The following ZC3H3 variants were observed in gnomAD, a reference collection of about 807,000 sequenced individuals.
ZC3H3 encodes zinc finger CCCH-type containing 3.
ZC3H3 carries 36 observed loss-of-function variants against 77.3 expected under a neutral mutation model. The observed-to-expected ratio is 0.47, with a 90% CI of 0.36 to 0.61. ZC3H3 has a LOEUF of 0.61. Among genes scored for constraint, ZC3H3 ranks in the 20% least tolerant of loss-of-function variants. ZC3H3 has a pLI of 0.00. For synonymous variants in ZC3H3, 626 were observed against 555.2 expected, an observed-to-expected ratio of 1.13 and a Z score of -1.79; for missense variants, 1,331 against 1,312.2, an observed-to-expected ratio of 1.01 and a Z score of -0.22.
intron 4 of ZC3H3, chr8:143,484,936 G>A: frequency 2.2e-6 from 1 of 448,966 alleles, no homozygotes; most frequent in South Asian, 1.6e-5. Context: ...GCCCTTGCAA[G>A]GACAGTGGTA....
chr8:143,451,938 T>C (rs1158501100), intron 9 of ZC3H3, among the ~76,000 whole-genome samples: 1 of 152,120 alleles, frequency 6.6e-6, no homozygotes, highest in Non-Finnish European at 1.5e-5. Flanking sequence ...GCGGAGAAGG[T>C]GCTGATGGAA....
intron 3 of ZC3H3, among the ~76,000 whole-genome samples, chr8:143,518,301 G>A (rs1451536192): frequency 2.6e-5 from 4 of 152,176 alleles, no homozygotes; most frequent in African/African-American, 9.7e-5. Context: ...GGGCCTGGCT[G>A]GATCCCAAGG....
intron 1 of ZC3H3, among the ~76,000 whole-genome samples, chr8:143,540,683 C>T (rs919427709): frequency 6.6e-6 from 1 of 150,794 alleles, no homozygotes; most frequent in African/African-American, 2.4e-5. Flanking sequence ...AGGCTGGGAG[C>T]GGTGGCTCAT....
intron 3 of ZC3H3, among the ~76,000 whole-genome samples, chr8:143,534,312 C>T (rs974326893): frequency 3.3e-4 from 49 of 149,240 alleles, no homozygotes; most frequent in African/African-American, 1.0e-3. Context: ...AGATCAATTA[C>T]GCCCTTCCCT....
intron 4 of ZC3H3, among the ~76,000 whole-genome samples, chr8:143,500,862 G>A (rs887038344): frequency 6.7e-6 from 1 of 148,740 alleles, no homozygotes; most frequent in Non-Finnish European, 1.5e-5. Context: ...TGCCCAGGCT[G>A]GAGTGCAGTG....
Position 143,507,785 on chromosome 8 carries a change from G to C in ZC3H3, c.1676C>G (p.Ser559Cys), listed in dbSNP as rs1032378642. The stretch of plus-strand genomic sequence containing the variant: ...CCGCCGGGCCCGCCAGGAGGGCAGA[G>C]ACAGGGGGAAGGGCGGGGCGCTGAG... ...SPLSAPPFPL[S>C]LPSWRARRLS... The change falls in exon 4 of 12, where the codon TCT becomes TGT. Residue 559 changes from serine (S) to cysteine (C), a missense_variant. This residue lies in a region of ZC3H3 where 978 missense variants were observed against 915.5 expected (regional missense o/e 1.07). Coordinates refer to ENST00000262577, the MANE Select transcript of ZC3H3 (RefSeq NM_015117.3). 10 of 1,601,444 alleles carry C rather than the reference G, an allele frequency of 6.2e-6. No homozygotes were observed. In the Admixed American group the frequency reaches 1.0e-4, roughly 16 times the overall value.
intron 1 of ZC3H3, among the ~76,000 whole-genome samples, chr8:143,539,821 G>A (rs1220555219): frequency 6.6e-6 from 1 of 152,210 alleles, no homozygotes; most frequent in African/African-American, 2.4e-5. Flanking sequence ...AGAATACTAG[G>A]AGCAGAGGCC....
At chr8:143,523,850 C>T (rs34766221) in intron 3 of ZC3H3, among the ~76,000 whole-genome samples, 4,250 of 152,310 alleles carry the variant, frequency 0.028, 181 homozygotes, top group African/African-American at 0.096. Flanking sequence ...TGAGTCAGAG[C>T]GGGGCCGCAG....
intron 5 of ZC3H3, among the ~76,000 whole-genome samples, chr8:143,473,582 G>T (rs1487810670): frequency 6.6e-6 from 1 of 152,232 alleles, no homozygotes; most frequent in African/African-American, 2.4e-5. Flanking sequence ...TAGGACCAGA[G>T]AGGAAAGCCA....
At chr8:143,516,060 G>C (rs1303569543) in intron 3 of ZC3H3, among the ~76,000 whole-genome samples, 1 of 152,204 alleles carries the variant, frequency 6.6e-6, no homozygotes, top group Non-Finnish European at 1.5e-5. Context: ...CCCCTTGAGT[G>C]GCTGGGTGTG....
chr8:143,511,139 G>A (rs1821857840), intron 3 of ZC3H3, among the ~76,000 whole-genome samples: 1 of 152,242 alleles, frequency 6.6e-6, no homozygotes, highest in South Asian at 2.1e-4. Context: ...CGGGGACCAG[G>A]TGGGACAGCC....
chr8:143,484,899 C>T lies in ZC3H3; in HGVS notation c.1716-9314G>A, dbSNP rs75360643. 193 of 455,394 alleles carry T rather than the reference C, an allele frequency of 4.2e-4. No homozygotes were observed. The East Asian group carries it at 0.012, about 27-fold the overall frequency. 28.2% of individuals were successfully genotyped at this position (455,394 alleles called of 1,614,324 possible). A position where few individuals can be genotyped will look rare whatever the true frequency, so the allele number is the denominator to read the frequency against. ...AATCCGGCTCAGCTCCCTGGAAAGG[C>T]GTGGTGACCTCAGCAAACTTCATGC... On this transcript the variant is annotated intron_variant, in intron 4 of 11. Transcript: ENST00000262577.
At chr8:143,469,899 G>A (rs1586895189) in intron 5 of ZC3H3, among the ~76,000 whole-genome samples, 1 of 152,354 alleles carries the variant, frequency 6.6e-6, no homozygotes, top group East Asian at 1.9e-4. Flanking sequence ...CTGCAGTTAA[G>A]AGGCAGAGGT....
intron 4 of ZC3H3, among the ~76,000 whole-genome samples, chr8:143,485,886 G>A (rs1233407083): frequency 4.6e-5 from 7 of 152,366 alleles, no homozygotes; most frequent in Admixed American, 3.9e-4. Flanking sequence ...AGCGGGATGG[G>A]CGTGAGGCCC....
At chr8:143,517,205 T>C (rs1822085595) in intron 3 of ZC3H3, among the ~76,000 whole-genome samples, 1 of 152,112 alleles carries the variant, frequency 6.6e-6, no homozygotes, top group African/African-American at 2.4e-5. Flanking sequence ...CTGTATGAAA[T>C]GGGAATAGTT....
chr8:143,459,656 CA>C (rs1236394272), intron 9 of ZC3H3, among the ~76,000 whole-genome samples: 6 of 152,094 alleles, frequency 3.9e-5, no homozygotes, highest in African/African-American at 1.2e-4. Flanking sequence ...GACTGTGATT[CA>C]ATGTGGTCAG....
intron 4 of ZC3H3, among the ~76,000 whole-genome samples, chr8:143,502,725 T>C (rs1821562638): frequency 6.6e-6 from 1 of 152,248 alleles, no homozygotes; most frequent in South Asian, 2.1e-4. Context: ...ATTAATGAAC[T>C]TGCTGGAGCT....
chr8:143,536,218 G>T lies in ZC3H3; in HGVS notation c.1561+39C>A, dbSNP rs773214758. 2.5e-6 allele frequency: 4 copies of T among 1,584,132 alleles called. No individual in the cohort carries two copies. The Admixed American group carries it at 7.1e-5, about 28-fold the overall frequency. On this transcript the variant is annotated intron_variant, in intron 3 of 11. Coordinates refer to ENST00000262577, the MANE Select transcript of ZC3H3 (RefSeq NM_015117.3). ...CACGCCAGCATATCCCATCAGGCAGGCCCAGCCCCAGTGCCCAGCGCCCCT... is the reference window on the plus strand; with the variant it reads ...CACGCCAGCATATCCCATCAGGCAGTCCCAGCCCCAGTGCCCAGCGCCCCT...
At chr8:143,529,253 G>GGGGACAGA (rs748603198) in intron 3 of ZC3H3, among the ~76,000 whole-genome samples, 1 of 152,314 alleles carries the variant, frequency 6.6e-6, no homozygotes, top group Non-Finnish European at 1.5e-5. Context: ...AGAAGCCGCT[G>GGGGACAGA]GGGACAGAGG....
Sources: gnomAD v4.1 joint callset for allele counts (sites outside exome capture counted in the v4.1 genomes callset) on GRCh38, gnomAD v4.1.1 for gene constraint, gnomAD v4.1.1 regional missense constraint, MANE v1.5 for transcripts, NCBI Gene and HGNC (gene_info 2026-07-23, HGNC 2026-07-21) for gene names.